RIN3: variants seen among roughly 807,000 people sequenced by gnomAD.
RIN3 encodes the protein Ras and Rab interactor 3.
A neutral mutation model predicts 76.3 loss-of-function variants in RIN3; 54 were observed. That is an observed-to-expected ratio of 0.71 (90% confidence interval 0.57 to 0.89). The LOEUF is 0.89. Ranked by LOEUF, RIN3 falls within the 40% of genes least tolerant of loss-of-function variation. The pLI is 0.00. For missense variants in RIN3, 1,256 were observed against 1,322.1 expected (o/e 0.95, Z 0.78); for synonymous variants, 576 against 564.0 (o/e 1.02, Z -0.30).
intron 7 of RIN3, among the ~76,000 whole-genome samples, chr14:92,662,739 T>G (rs1887936312): frequency 6.6e-6 from 1 of 152,140 alleles, no homozygotes; most frequent in Non-Finnish European, 1.5e-5. Flanking sequence ...GAAGGGGCAA[T>G]TCCATTCTCA....
At chr14:92,611,571 T>C (rs1885738105) in intron 3 of RIN3, among the ~76,000 whole-genome samples, 1 of 152,178 alleles carries the variant, frequency 6.6e-6, no homozygotes, top group Admixed American at 6.5e-5. Flanking sequence ...GGCCTTCTTA[T>C]GAGGACACCA....
At chr14:92,532,643 C>T (rs1464581965) in intron 1 of RIN3, among the ~76,000 whole-genome samples, 1 of 152,184 alleles carries the variant, frequency 6.6e-6, no homozygotes. Flanking sequence ...CCACTCAACC[C>T]CAGATGATGA....
intron 1 of RIN3, among the ~76,000 whole-genome samples, chr14:92,524,878 G>A (rs761990151): frequency 1.3e-5 from 2 of 152,248 alleles, no homozygotes; most frequent in Non-Finnish European, 2.9e-5. Flanking sequence ...GAGATGGAAT[G>A]TGGGCACATC....
At chr14:92,593,788 A>G (rs1335232878) in intron 3 of RIN3, among the ~76,000 whole-genome samples, 3 of 152,222 alleles carry the variant, frequency 2.0e-5, no homozygotes, top group Non-Finnish European at 2.9e-5. Context: ...ATTAAAATGG[A>G]GCAGTACTCC....
intron 1 of RIN3, among the ~76,000 whole-genome samples, chr14:92,531,730 A>C (rs773173722): frequency 5.9e-5 from 9 of 152,108 alleles, no homozygotes; most frequent in African/African-American, 2.2e-4. Context: ...CAGGGCTGCT[A>C]TCCTTGGCCT....
At chr14:92,520,723 C>T (rs137995027) in intron 1 of RIN3, among the ~76,000 whole-genome samples, 13 of 152,220 alleles carry the variant, frequency 8.5e-5, no homozygotes, top group Admixed American at 3.3e-4. Context: ...CCCATCTTCA[C>T]GGACTGAAGA....
At chr14:92,517,342 A>G in intron 1 of RIN3, among the ~76,000 whole-genome samples, 1 of 152,134 alleles carries the variant, frequency 6.6e-6, no homozygotes, top group Admixed American at 6.5e-5. Flanking sequence ...ACGGAAGACA[A>G]ATTTTGTCTG....
At position 92,662,803 on chromosome 14, in the gene RIN3, C is replaced by T. The variant is rs562573199; in HGVS notation, c.2335+3334C>T. On this transcript the variant is annotated intron_variant, in intron 7 of 9. Transcript: ENST00000216487. ...AGCTTCCTGGAATTCTTTTTAAAAC[C>T]CCATGACTGAGCAGCAACATTCAAA... Among the ~76,000 whole-genome samples the T allele has an allele frequency of 9.9e-5, 15 of 151,836 alleles. No individual in the cohort carries two copies. In the South Asian group the frequency reaches 1.7e-3, roughly 17 times the overall value.
intron 9 of RIN3, chr14:92,686,907 G>A (rs899209395): frequency 3.3e-5 from 5 of 152,342 alleles, no homozygotes; most frequent in Non-Finnish European, 7.3e-5. Context: ...GAGTGGGCCG[G>A]GCTTTTCCCC....
intron 7 of RIN3, among the ~76,000 whole-genome samples, chr14:92,674,714 C>T (rs1459169447): frequency 1.3e-5 from 2 of 151,840 alleles, no homozygotes; most frequent in Non-Finnish European, 2.9e-5. Context: ...CATGGTGAAA[C>T]CCCATCTCTA....
At chr14:92,523,143 G>A (rs1896642859) in intron 1 of RIN3, among the ~76,000 whole-genome samples, 1 of 152,126 alleles carries the variant, frequency 6.6e-6, no homozygotes, top group Non-Finnish European at 1.5e-5. Context: ...ATGTAGTTTT[G>A]CTCTTGTCAC....
At chr14:92,544,454 C>G (rs935727750) in intron 1 of RIN3, among the ~76,000 whole-genome samples, 1 of 151,144 alleles carries the variant, frequency 6.6e-6, no homozygotes, top group Non-Finnish European at 1.5e-5. Context: ...CCCAAAAAGT[C>G]CCCTGGGGCT....
chr14:92,561,044 A>AAAAAATATATATATATATATATATAT (rs1555383856), intron 2 of RIN3, among the ~76,000 whole-genome samples: 56 of 24,294 alleles, frequency 2.3e-3, no homozygotes, highest in Non-Finnish European at 3.7e-3. Context: ...AAAAAAAAAA[A>AAAAAATATATATATATATATATATAT]ATATATATAT....
At chr14:92,640,002 G>C (rs1408094689) in intron 4 of RIN3, among the ~76,000 whole-genome samples, 1 of 147,352 alleles carries the variant, frequency 6.8e-6, no homozygotes, top group Non-Finnish European at 1.5e-5. Context: ...GCGTTTGCTG[G>C]GAGATGCCTG....
intron 8 of RIN3, among the ~76,000 whole-genome samples, chr14:92,677,615 CTTTT>C (rs111826209): frequency 4.0e-5 from 6 of 149,712 alleles, no homozygotes; most frequent in African/African-American, 1.5e-4. Flanking sequence ...CTGTATCTAC[CTTTT>C]TTTTTTCTCT....
At chr14:92,687,115 G>C (rs940958600) in intron 9 of RIN3, 1 of 152,328 alleles carries the variant, frequency 6.6e-6, no homozygotes, top group African/African-American at 2.4e-5. Flanking sequence ...TGAGCCCCGG[G>C]GAAGGCGAGG....
At chr14:92,540,291 C>T (rs1184796329) in intron 1 of RIN3, among the ~76,000 whole-genome samples, 3 of 152,140 alleles carry the variant, frequency 2.0e-5, no homozygotes, top group Admixed American at 6.5e-5. Flanking sequence ...GTCCCCTGTT[C>T]CTGGGACTGA....
intron 3 of RIN3, among the ~76,000 whole-genome samples, chr14:92,603,925 A>T (rs916745643): frequency 6.6e-6 from 1 of 152,252 alleles, no homozygotes; most frequent in Non-Finnish European, 1.5e-5. Context: ...AGCAATTTCC[A>T]TCTGTTTCAG....
intron 2 of RIN3, among the ~76,000 whole-genome samples, chr14:92,570,202 A>G (rs973551171): frequency 3.9e-5 from 6 of 152,126 alleles, no homozygotes; most frequent in Non-Finnish European, 8.8e-5. Flanking sequence ...ACCCTGGCTC[A>G]GGGCCAGGGG....
Sources: allele counts gnomAD v4.1 joint callset (sites outside exome capture counted in the v4.1 genomes callset), GRCh38; gene constraint gnomAD v4.1.1; transcripts MANE v1.5; gene names NCBI Gene and HGNC (gene_info 2026-07-23, HGNC 2026-07-21).